Variants in DOCK4 observed in about 807,000 individuals in gnomAD.
The protein encoded by DOCK4 is dedicator of cytokinesis 4, also known as dedicator of cytokinesis protein 4.
DOCK4 carries 97 observed loss-of-function variants against 268.1 expected under a neutral mutation model. That is an observed-to-expected ratio of 0.36 (90% confidence interval 0.31 to 0.43). DOCK4 has a LOEUF of 0.43. Among genes scored for constraint, DOCK4 ranks in the 20% least tolerant of loss-of-function variants. The pLI is 1.00. For synonymous variants in DOCK4, 954 were observed against 887.2 expected (o/e 1.08, Z -1.34); for missense variants, 2,145 against 2,455.7 (o/e 0.87, Z 2.67).
At chr7:112,203,004 C>G (rs1347680033) in intron 1 of DOCK4, among the ~76,000 whole-genome samples, 2 of 152,166 alleles carry the variant, frequency 1.3e-5, no homozygotes, top group African/African-American at 4.8e-5. Flanking sequence ...AAAAGTGTCT[C>G]TGTCATAGCA....
At chr7:111,755,624 A>T in intron 41 of DOCK4, 23 bp from the exon 42 acceptor site, 2 of 1,609,946 alleles carry the variant, frequency 1.2e-6, no homozygotes, top group Non-Finnish European at 1.7e-6. Context: ...AAACACATTA[A>T]GTCTCCCAAG....
At chr7:111,804,412 G>A (rs1800519400) in intron 30 of DOCK4, among the ~76,000 whole-genome samples, 2 of 152,268 alleles carry the variant, frequency 1.3e-5, no homozygotes, top group Non-Finnish European at 2.9e-5. Context: ...AAAGTAGAAT[G>A]GTAGTACCAG....
chr7:112,186,000 G>A (rs1013516025), intron 1 of DOCK4, among the ~76,000 whole-genome samples: 7 of 152,224 alleles, frequency 4.6e-5, no homozygotes, highest in Admixed American at 2.0e-4. Flanking sequence ...ATCCTTGGCT[G>A]AGTCTCAGAC....
intron 36 of DOCK4, among the ~76,000 whole-genome samples, chr7:111,776,013 G>C (rs1263689865): frequency 6.6e-6 from 1 of 152,206 alleles, no homozygotes; most frequent in Non-Finnish European, 1.5e-5. Context: ...AGGTGCACAA[G>C]TGTAGAACAA....
In DOCK4 at chr7:111,936,485, A is replaced by AATGGATGG. The variant is rs56276228; in HGVS notation, c.978-865_978-858dup. 8.0e-3 allele frequency among the ~76,000 whole-genome samples: 1,192 copies of AATGGATGG among 148,172 alleles called. 12 individuals carry two copies. Among genetic ancestry groups the AATGGATGG allele is most frequent in the Middle Eastern group, 0.021 (6 of 292 alleles). ...ATGCTTAAAAACTGTCAGTGGTATG[A>AATGGATGG]ATGGATGGATGGATGGATGGATGGA... On this transcript the variant is annotated intron_variant, in intron 11 of 52. Transcript: ENST00000428084.
At chr7:112,001,687 C>G (rs1339457710) in intron 2 of DOCK4, among the ~76,000 whole-genome samples, 2 of 152,102 alleles carry the variant, frequency 1.3e-5, no homozygotes, top group Non-Finnish European at 2.9e-5. Flanking sequence ...AAACTGTGAA[C>G]AGAATATTGT....
At chr7:111,786,840 C>T (rs528670283) in intron 32 of DOCK4, among the ~76,000 whole-genome samples, 113 of 152,258 alleles carry the variant, frequency 7.4e-4, no homozygotes, top group African/African-American at 2.5e-3. Context: ...GTAATATTTA[C>T]GCCTTCTTTC....
intron 28 of DOCK4, 125 bp from the exon 29 acceptor site, chr7:111,809,526 A>T (rs926266617): frequency 1.5e-6 from 1 of 682,504 alleles, no homozygotes; most frequent in African/African-American, 1.8e-5. Flanking sequence ...ACTGACCATG[A>T]GTTGATAATA....
At chr7:112,094,462 A>T (rs1187978105) in intron 1 of DOCK4, among the ~76,000 whole-genome samples, 1 of 152,234 alleles carries the variant, frequency 6.6e-6, no homozygotes, top group Non-Finnish European at 1.5e-5. Flanking sequence ...TCAGTACTGC[A>T]AATTGGAAAA....
Position 112,128,438 on chromosome 7 carries a change from C to T in DOCK4, c.37+77664G>A, listed in dbSNP as rs865982864. Among the ~76,000 whole-genome samples the T allele has an allele frequency of 3.3e-5, 5 of 152,116 alleles. No individual in the cohort carries two copies. The East Asian group carries it at 5.8e-4, about 18-fold the overall frequency. Reference sequence around the variant, plus strand: ...GGTGTGCCCAACAGCTCATTGAGAACGGGCCAGGATGACAATGGCGGCTTT... The same window carrying T: ...GGTGTGCCCAACAGCTCATTGAGAATGGGCCAGGATGACAATGGCGGCTTT... On this transcript the variant is annotated intron_variant, in intron 1 of 52. Coordinates refer to ENST00000428084, the MANE Select transcript of DOCK4 (RefSeq NM_001363540.2).
chr7:112,180,893 A>T (rs935657874), intron 1 of DOCK4, among the ~76,000 whole-genome samples: 2 of 152,182 alleles, frequency 1.3e-5, no homozygotes, highest in African/African-American at 4.8e-5. Flanking sequence ...ATTTTCCTGA[A>T]GTTGGTAAAA....
At chr7:111,844,266 A>T (rs1463797388) in intron 25 of DOCK4, among the ~76,000 whole-genome samples, 1 of 152,048 alleles carries the variant, frequency 6.6e-6, no homozygotes, top group Non-Finnish European at 1.5e-5. Flanking sequence ...ACAGAGCGAG[A>T]CTCCGTCTCA....
chr7:111,864,378 A>G (rs1805804129), intron 22 of DOCK4, among the ~76,000 whole-genome samples: 1 of 152,206 alleles, frequency 6.6e-6, no homozygotes, highest in Non-Finnish European at 1.5e-5. Context: ...AAAATTCCAT[A>G]AAAGGAGGGC....
At chr7:112,029,738 T>G (rs1318858880) in intron 1 of DOCK4, among the ~76,000 whole-genome samples, 6 of 152,218 alleles carry the variant, frequency 3.9e-5, no homozygotes, top group Non-Finnish European at 2.9e-5. Flanking sequence ...TTTGTTTGCA[T>G]GTGTCCACAG....
At chr7:111,949,990 G>A (rs1042240901) in intron 8 of DOCK4, among the ~76,000 whole-genome samples, 10 of 152,128 alleles carry the variant, frequency 6.6e-5, no homozygotes, top group South Asian at 2.1e-4. Context: ...ACAGCAGCGC[G>A]ATCTCAGCTC....
intron 30 of DOCK4, among the ~76,000 whole-genome samples, chr7:111,791,961 G>A (rs1260440447): frequency 3.9e-5 from 6 of 152,208 alleles, no homozygotes; most frequent in Non-Finnish European, 8.8e-5. Flanking sequence ...TTTCTGAAAA[G>A]ACTAAAATGT....
intron 1 of DOCK4, among the ~76,000 whole-genome samples, chr7:112,194,217 C>T (rs937923313): frequency 6.6e-6 from 1 of 152,184 alleles, no homozygotes; most frequent in Non-Finnish European, 1.5e-5. Context: ...AAGGTCTGTC[C>T]TGCACAAATT....
intron 1 of DOCK4, among the ~76,000 whole-genome samples, chr7:112,019,311 C>T (rs1343610461): frequency 1.3e-5 from 2 of 152,204 alleles, no homozygotes; most frequent in East Asian, 3.9e-4. Flanking sequence ...TAAGGTGTAC[C>T]TGCATGAAAG....
chr7:111,989,272 G>C (rs995648840), intron 5 of DOCK4, 109 bp from the exon 6 acceptor site: 1 of 1,436,386 alleles, frequency 7.0e-7, no homozygotes, highest in African/African-American at 1.4e-5. Context: ...CTATGTGCTT[G>C]CCACTCTGGA....
Sources: gnomAD v4.1 joint callset for allele counts (sites outside exome capture counted in the v4.1 genomes callset) on GRCh38, gnomAD v4.1.1 for gene constraint, MANE v1.5 for transcripts, NCBI Gene and HGNC (gene_info 2026-07-23, HGNC 2026-07-21) for gene names.